Variants in TOPAZ1 observed in about 807,000 individuals in gnomAD.
The protein encoded by TOPAZ1 is protein TOPAZ1.
In TOPAZ1, 66 loss-of-function variants were observed where a neutral mutation model predicts 172.2. That is an observed-to-expected ratio of 0.38 (90% CI 0.31 to 0.47). The LOEUF is 0.47. Among genes scored for constraint, TOPAZ1 ranks in the 20% least tolerant of loss-of-function variants. TOPAZ1 has a pLI of 0.99. For missense variants in TOPAZ1, 1,822 were observed against 1,972.4 expected (o/e 0.92, Z 1.44); for synonymous variants, 681 against 683.9 (o/e 1.00, Z 0.07).
intron 18 of TOPAZ1, among the ~76,000 whole-genome samples, chr3:44,326,370 A>G (rs1156262287): frequency 6.6e-6 from 1 of 152,140 alleles, no homozygotes; most frequent in African/African-American, 2.4e-5. Flanking sequence ...GTAATGTATC[A>G]TTACAGTTTT....
intron 4 of TOPAZ1, among the ~76,000 whole-genome samples, chr3:44,260,613 C>T (rs887009124): frequency 7.9e-5 from 12 of 151,886 alleles, no homozygotes; most frequent in African/African-American, 2.9e-4. Context: ...GCATTTTGTA[C>T]TCTTTATTCT....
rs1559522600 is a variant in TOPAZ1, at chr3:44,244,464, ACT to A, written c.1961_1962del (p.Ser654CysfsTer23). 6.4e-7 allele frequency: 1 copy of A among 1,551,698 alleles called. No homozygotes were observed. On this transcript the variant is annotated frameshift_variant, in exon 2 of 20. Coordinates refer to ENST00000309765, the MANE Select transcript of TOPAZ1 (RefSeq NM_001145030.2). LOFTEE classifies it high-confidence loss of function. ...TCCAAAGATGGTCAGGAAGCAAATA[ACT>A]CTGCAGGCAAAACTATTCATCGAAA...
intron 16 of TOPAZ1, among the ~76,000 whole-genome samples, chr3:44,311,843 C>G (rs2125701949): frequency 6.6e-6 from 1 of 152,128 alleles, no homozygotes; most frequent in South Asian, 2.1e-4. Flanking sequence ...ATTACAAACA[C>G]CATTTTGAAC....
chr3:44,329,733 C>T (rs1247321875), intron 19 of TOPAZ1, among the ~76,000 whole-genome samples: 1 of 152,118 alleles, frequency 6.6e-6, no homozygotes, highest in Non-Finnish European at 1.5e-5. Flanking sequence ...ATAGATGGGC[C>T]TACATGGATA....
At chr3:44,264,323 A>G (rs1035638012) in intron 5 of TOPAZ1, among the ~76,000 whole-genome samples, 1 of 140,716 alleles carries the variant, frequency 7.1e-6, no homozygotes, top group East Asian at 1.9e-4. Context: ...TAAAGCAAAT[A>G]AAATGAGTCA....
chr3:44,252,485 T>C (rs1699645518), intron 2 of TOPAZ1, among the ~76,000 whole-genome samples: 2 of 152,256 alleles, frequency 1.3e-5, no homozygotes, highest in South Asian at 4.1e-4. Flanking sequence ...GGCATGGCTT[T>C]TTAAGGCTCT....
chr3:44,281,892 A>G (rs1275150513), intron 8 of TOPAZ1, 76 bp from the exon 9 acceptor site: 2 of 884,646 alleles, frequency 2.3e-6, no homozygotes, highest in African/African-American at 3.5e-5. Flanking sequence ...ATAAGCAAAA[A>G]GATAGGATTG....
At chr3:44,335,148 G>T (rs79344621), downstream of TOPAZ1, among the ~76,000 whole-genome samples, 10 of 152,178 alleles carry the variant, frequency 6.6e-5, no homozygotes, top group East Asian at 1.5e-3. Context: ...ATAACGAAGA[G>T]AATTATCAAG....
chr3:44,319,198 T>G (rs1451801322), intron 16 of TOPAZ1, among the ~76,000 whole-genome samples: 1 of 152,150 alleles, frequency 6.6e-6, no homozygotes, highest in Non-Finnish European at 1.5e-5. Context: ...GTTGGTTGAT[T>G]GGCAACACTG....
intron 18 of TOPAZ1, among the ~76,000 whole-genome samples, chr3:44,326,754 C>G (rs1700604644): frequency 1.3e-5 from 2 of 152,090 alleles, no homozygotes; most frequent in Non-Finnish European, 2.9e-5. Context: ...CTGCTTTTCT[C>G]TCAGAACTGA....
At chr3:44,327,940 C>T (rs1700620629) in intron 18 of TOPAZ1, among the ~76,000 whole-genome samples, 2 of 152,148 alleles carry the variant, frequency 1.3e-5, no homozygotes, top group Admixed American at 6.5e-5. Context: ...GATGGGGTTT[C>T]ACCATGTTGG....
At chr3:44,289,506 T>C (rs867227136) in intron 11 of TOPAZ1, among the ~76,000 whole-genome samples, 1 of 152,332 alleles carries the variant, frequency 6.6e-6, no homozygotes, top group South Asian at 2.1e-4. Flanking sequence ...AAACTATTTT[T>C]AGTTAAAGTT....
At chr3:44,318,971 A>C (rs774654460) in intron 16 of TOPAZ1, among the ~76,000 whole-genome samples, 5 of 152,066 alleles carry the variant, frequency 3.3e-5, no homozygotes, top group Non-Finnish European at 5.9e-5. Context: ...AGGCAACCGG[A>C]AACCTTTGGG....
At chr3:44,278,382 G>A (rs1699986907) in intron 8 of TOPAZ1, among the ~76,000 whole-genome samples, 1 of 152,084 alleles carries the variant, frequency 6.6e-6, no homozygotes, top group African/African-American at 2.4e-5. Context: ...GGGTAATGCT[G>A]GCATCACAGA....
chr3:44,309,423 C>G (rs966884141), intron 15 of TOPAZ1, among the ~76,000 whole-genome samples: 3 of 152,134 alleles, frequency 2.0e-5, no homozygotes, highest in African/African-American at 7.2e-5. Flanking sequence ...TTCATTTTTA[C>G]TTTCTCTCCC....
chr3:44,252,237 T>C (rs1035000157), intron 2 of TOPAZ1, among the ~76,000 whole-genome samples: 2 of 152,222 alleles, frequency 1.3e-5, no homozygotes, highest in Non-Finnish European at 2.9e-5. Context: ...CAGTTCTCTA[T>C]TGAGTCACTT....
chr3:44,257,557 G>A (rs1466424696), intron 4 of TOPAZ1, among the ~76,000 whole-genome samples: 1 of 149,784 alleles, frequency 6.7e-6, no homozygotes, highest in African/African-American at 2.5e-5. Flanking sequence ...TGTATCACTT[G>A]TCAATTTTTA....
rs746082427 is a variant in TOPAZ1, at chr3:44,243,017, C to T, written c.511C>T (p.Arg171Ter). Residue 171 changes from arginine to a stop codon, truncating the protein, a stop_gained, in exon 2 of 20, where the codon CGA (arginine) becomes TGA (stop). Coordinates refer to ENST00000309765, the MANE Select transcript of TOPAZ1 (RefSeq NM_001145030.2). LOFTEE classifies it high-confidence loss of function. Reference sequence around the variant, plus strand: ...AATAGAAGGTATTAAAAGAAGAATTCGAAATAAAAAACTTAAAAGCTTAGA... The same window carrying T: ...AATAGAAGGTATTAAAAGAAGAATTTGAAATAAAAAACTTAAAAGCTTAGA... Reference protein sequence around the residue: ...SIIEGIKRRIRNKKLKSLENP... With the variant: ...SIIEGIKRRI 1.9e-6 allele frequency: 3 copies of T among 1,542,796 alleles called. No individual in the cohort carries two copies. The highest frequency in any genetic ancestry group is 1.2e-5 in the South Asian group (1 of 81,058).
intron 4 of TOPAZ1, 127 bp from the exon 5 acceptor site, chr3:44,262,292 G>T: frequency 2.6e-6 from 1 of 387,926 alleles, no homozygotes; most frequent in African/African-American, 2.1e-5. Context: ...ATTGTTTTTA[G>T]GGATTGGCCA....
Sources: allele counts gnomAD v4.1 joint callset (sites outside exome capture counted in the v4.1 genomes callset), GRCh38; gene constraint gnomAD v4.1.1; transcripts MANE v1.5; gene names NCBI Gene and HGNC (gene_info 2026-07-23, HGNC 2026-07-21).